The following MED12L variants were observed in gnomAD, a reference collection of about 807,000 sequenced individuals.
MED12L encodes mediator of RNA polymerase II transcription subunit 12-like protein.
MED12L carries 60 observed loss-of-function variants against 281.3 expected under a neutral mutation model. The observed-to-expected ratio is 0.21, with a 90% confidence interval of 0.17 to 0.26. MED12L has a LOEUF of 0.26. Ranked by LOEUF, MED12L falls within the 10% of genes least tolerant of loss-of-function variation. The pLI is 1.00. For synonymous variants in MED12L, 974 were observed against 987.2 expected (o/e 0.99, Z 0.25); for missense variants, 2,146 against 2,680.9 (o/e 0.80, Z 4.41).
chr3:151,280,069 A>C (rs369602642), intron 16 of MED12L, among the ~76,000 whole-genome samples: 1 of 152,146 alleles, frequency 6.6e-6, no homozygotes, highest in Non-Finnish European at 1.5e-5. Flanking sequence ...CTTTGACTGG[A>C]GCTGCTTGCT....
intron 16 of MED12L, chr3:151,337,890 G>A: frequency 1.9e-6 from 3 of 1,614,124 alleles, no homozygotes; most frequent in East Asian, 2.2e-5. Flanking sequence ...CAGAGATGTT[G>A]CAGAATTGGG....
chr3:151,368,020 G>A, intron 24 of MED12L, 130 bp from the exon 25 acceptor site: 1 of 841,960 alleles, frequency 1.2e-6, no homozygotes, highest in Non-Finnish European at 1.8e-6. Context: ...AAATAGCCAG[G>A]GCCTTATTTT....
At chr3:151,422,408 T>C (rs930535217) in intron 43 of MED12L, among the ~76,000 whole-genome samples, 10 of 152,148 alleles carry the variant, frequency 6.6e-5, no homozygotes, top group Non-Finnish European at 1.2e-4. Context: ...TCCATGCCTC[T>C]CCTCCAGCTT....
chr3:151,422,703 A>G (rs1253464191), intron 43 of MED12L, among the ~76,000 whole-genome samples: 1 of 151,984 alleles, frequency 6.6e-6, no homozygotes, highest in Non-Finnish European at 1.5e-5. Context: ...TGTCTTTTTT[A>G]GGGAACATAA....
intron 16 of MED12L, among the ~76,000 whole-genome samples, chr3:151,345,985 C>T (rs1752488637): frequency 6.6e-6 from 1 of 152,034 alleles, no homozygotes; most frequent in Admixed American, 6.6e-5. Flanking sequence ...GTCTTTACAC[C>T]CCTTATAGAG....
chr3:151,165,871 C>T lies in MED12L; in HGVS notation c.1383C>T (p.His461=), dbSNP rs1166267399. ...GGGTGACTATTAGTCGGGTTTTGCA[C>T]ACGTTGGAAGTTTTGGATCGTCACT... ...TAGVTISRVL[H]TLEVLDRHCF... The change falls in exon 11 of 45, where the codon CAC becomes CAT. Residue 461 remains histidine (H), a synonymous_variant. Coordinates refer to ENST00000687756, the MANE Select transcript of MED12L (RefSeq NM_001393769.1). 3 of 1,613,646 alleles carry T rather than the reference C, an allele frequency of 1.9e-6. No individual in the cohort carries two copies. The highest frequency in any genetic ancestry group is 2.2e-5 in the South Asian group (2 of 90,910).
Position 151,380,368 on chromosome 3 carries a change from T to C in MED12L, c.4590+144T>C, listed in dbSNP as rs540427698. The C allele has an allele frequency of 1.1e-5, 6 of 533,922 alleles. No homozygotes were observed. The South Asian group carries it at 1.4e-4, about 12-fold the overall frequency. The allele number at this position is 533,922 out of a possible 1,614,324, so 33.1% of individuals were successfully genotyped here. ...TCCCAGCACTTTGGGAGGCGGAGGC[T>C]GGTGGATCACCTGAGGCCAGGAGTT... On this transcript the variant is annotated intron_variant, in intron 32 of 44. Coordinates refer to ENST00000687756, the MANE Select transcript of MED12L (RefSeq NM_001393769.1).
chr3:151,389,913 T>A (rs1713965142), intron 37 of MED12L, 66 bp from the exon 38 acceptor site: 1 of 1,530,414 alleles, frequency 6.5e-7, no homozygotes, highest in Non-Finnish European at 9.0e-7. Context: ...TTACTGAAGT[T>A]ATTTGCATTA....
At chr3:151,417,506 T>TTTTTA (rs1717748501) in intron 43 of MED12L, among the ~76,000 whole-genome samples, 1 of 140,152 alleles carries the variant, frequency 7.1e-6, no homozygotes, top group Non-Finnish European at 1.6e-5. Flanking sequence ...TTTTTTTTTT[T>TTTTTA]GAGACGGAAT....
At chr3:151,207,732 A>G (rs983578559) in intron 16 of MED12L, among the ~76,000 whole-genome samples, 23 of 152,192 alleles carry the variant, frequency 1.5e-4, no homozygotes, top group Non-Finnish European at 2.9e-5. Context: ...GATTGCAGTC[A>G]TTTTAAGTGA....
intron 16 of MED12L, among the ~76,000 whole-genome samples, chr3:151,217,721 G>T (rs1346993953): frequency 6.6e-6 from 1 of 152,132 alleles, no homozygotes; most frequent in South Asian, 2.1e-4. Context: ...CACTCTAAAG[G>T]AACAAGCTAA....
intron 16 of MED12L, among the ~76,000 whole-genome samples, chr3:151,239,859 C>T (rs1733723684): frequency 1.3e-5 from 2 of 152,152 alleles, no homozygotes; most frequent in South Asian, 4.1e-4. Context: ...CAAAAAAGGA[C>T]ACCACATTTT....
At chr3:151,128,101 C>A in intron 5 of MED12L, 117 bp downstream of exon 5, 2 of 879,982 alleles carry the variant, frequency 2.3e-6, no homozygotes, top group Non-Finnish European at 3.5e-6. Flanking sequence ...CGTGGTGAGA[C>A]TGATTTGCTC....
intron 2 of MED12L, among the ~76,000 whole-genome samples, chr3:151,090,037 C>T (rs971951334): frequency 6.6e-6 from 1 of 152,152 alleles, no homozygotes; most frequent in African/African-American, 2.4e-5. Context: ...AGGGCTCCTG[C>T]ATATTCTGTT....
intron 3 of MED12L, among the ~76,000 whole-genome samples, chr3:151,120,275 C>T (rs758668345): frequency 6.6e-5 from 10 of 151,904 alleles, no homozygotes; most frequent in Non-Finnish European, 1.0e-4. Flanking sequence ...CACCTTACCT[C>T]TTATACCTTG....
intron 43 of MED12L, among the ~76,000 whole-genome samples, chr3:151,424,190 T>A (rs937120): frequency 0.85 from 129,710 of 151,844 alleles, 55,623 homozygotes; most frequent in Middle Eastern, 0.97. Flanking sequence ...AATTTGGAAA[T>A]TTTTTTTTTC....
chr3:151,120,335 T>C (rs1713566742), intron 3 of MED12L, among the ~76,000 whole-genome samples: 3 of 152,204 alleles, frequency 2.0e-5, no homozygotes, highest in Admixed American at 2.0e-4. Flanking sequence ...AATTTGGCAA[T>C]GCTTATTAAA....
chr3:151,279,730 TG>T (rs1365127349), intron 16 of MED12L, among the ~76,000 whole-genome samples: 2 of 152,210 alleles, frequency 1.3e-5, no homozygotes, highest in African/African-American at 4.8e-5. Flanking sequence ...CGCTAGAGCC[TG>T]GTTATTACCA....
intron 16 of MED12L, among the ~76,000 whole-genome samples, chr3:151,211,419 TTAGA>T (rs1394985830): frequency 5.3e-5 from 8 of 150,510 alleles, no homozygotes; most frequent in South Asian, 2.1e-4. Context: ...GCAGATGTAG[TTAGA>T]TAAACAATTA....
Sources: allele counts gnomAD v4.1 joint callset (sites outside exome capture counted in the v4.1 genomes callset), GRCh38; gene constraint gnomAD v4.1.1; transcripts MANE v1.5; gene names NCBI Gene and HGNC (gene_info 2026-07-23, HGNC 2026-07-21).